The following PLCB4 variants were observed in gnomAD, a reference collection of about 807,000 sequenced individuals.
PLCB4 encodes the protein 1-phosphatidylinositol 4,5-bisphosphate phosphodiesterase beta-4.
Under a neutral mutation model 178.8 loss-of-function variants are expected in PLCB4, and 77 were observed. That is an observed-to-expected ratio of 0.43 (90% CI 0.36 to 0.52). PLCB4 has a LOEUF of 0.52. Ranked by LOEUF, PLCB4 falls within the 20% of genes least tolerant of loss-of-function variation. The pLI is 0.00. For synonymous variants in PLCB4, 496 were observed against 490.8 expected (o/e 1.01, Z -0.14); for missense variants, 1,024 against 1,453.4 (o/e 0.70, Z 4.80).
At chr20:9,098,420 G>A (rs190350766) in intron 2 of PLCB4, among the ~76,000 whole-genome samples, 8 of 151,908 alleles carry the variant, frequency 5.3e-5, no homozygotes, top group Non-Finnish European at 8.8e-5. Context: ...TTGCTTTTTC[G>A]CATTTATCCA....
At chr20:9,316,262 A>G (rs997901154) in intron 4 of PLCB4, among the ~76,000 whole-genome samples, 9 of 152,142 alleles carry the variant, frequency 5.9e-5, no homozygotes, top group Non-Finnish European at 1.3e-4. Flanking sequence ...AACTCCAGGA[A>G]CTGGCCCAGG....
At chr20:9,278,405 T>C (rs1400085396) in intron 3 of PLCB4, among the ~76,000 whole-genome samples, 1 of 152,070 alleles carries the variant, frequency 6.6e-6, no homozygotes, top group Non-Finnish European at 1.5e-5. Context: ...ATTGCTTAGA[T>C]GGGACATCCA....
At chr20:9,368,386 G>A (rs725941) in intron 9 of PLCB4, among the ~76,000 whole-genome samples, 76,325 of 152,060 alleles carry the variant, frequency 0.5, 21,518 homozygotes, top group African/African-American at 0.79. Flanking sequence ...TTTGGAAATA[G>A]CAATTCTCTT....
At chr20:9,180,927 C>T (rs1007616113) in intron 2 of PLCB4, among the ~76,000 whole-genome samples, 7 of 152,172 alleles carry the variant, frequency 4.6e-5, no homozygotes, top group Admixed American at 3.3e-4. Flanking sequence ...AATTTATTAT[C>T]CCATATGGGC....
At chr20:9,168,604 C>T (rs1319437835) in intron 2 of PLCB4, among the ~76,000 whole-genome samples, 1 of 152,176 alleles carries the variant, frequency 6.6e-6, no homozygotes, top group Non-Finnish European at 1.5e-5. Flanking sequence ...GCTGCTAATG[C>T]CACCATTTCA....
intron 3 of PLCB4, among the ~76,000 whole-genome samples, chr20:9,219,553 T>G (rs964449336): frequency 6.6e-6 from 1 of 152,164 alleles, no homozygotes; most frequent in Admixed American, 6.5e-5. Flanking sequence ...TCTCACCCAA[T>G]AGGACCTGAT....
In PLCB4 at chr20:9,233,955, TA is replaced by T. The variant is rs548593147; in HGVS notation, c.-16+16506del. Among the ~76,000 whole-genome samples the T allele has an allele frequency of 1.1e-4, 17 of 152,212 alleles. No homozygotes were observed. The South Asian group carries it at 3.5e-3, about 32-fold the overall frequency. ...TGAATTGGGAGTGTACAGTTGGGGATAAACTGGAAGCAGAAAAGCCAGTTAG... is the reference window on the plus strand; with the variant it reads ...TGAATTGGGAGTGTACAGTTGGGGATAACTGGAAGCAGAAAAGCCAGTTAG... On this transcript the variant is annotated intron_variant, in intron 3 of 39. Coordinates refer to ENST00000378473, the MANE Select transcript of PLCB4 (RefSeq NM_001377142.1).
At chr20:9,464,635 C>T (rs1305019928) in intron 35 of PLCB4, among the ~76,000 whole-genome samples, 1 of 152,134 alleles carries the variant, frequency 6.6e-6, no homozygotes, top group Non-Finnish European at 1.5e-5. Context: ...AAACTACCAT[C>T]AGAGAATACT....
At chr20:9,179,791 C>T (rs951200902) in intron 2 of PLCB4, among the ~76,000 whole-genome samples, 1 of 152,166 alleles carries the variant, frequency 6.6e-6, no homozygotes, top group African/African-American at 2.4e-5. Flanking sequence ...TTTCATTTCT[C>T]TACACCTCAC....
At chr20:9,075,604 G>A (rs544817647) in intron 1 of PLCB4, among the ~76,000 whole-genome samples, 1 of 152,374 alleles carries the variant, frequency 6.6e-6, no homozygotes, top group Admixed American at 6.5e-5. Context: ...AAAGGCCCAA[G>A]TGTGGCTGAC....
At chr20:9,225,093 G>A (rs980425561) in intron 3 of PLCB4, among the ~76,000 whole-genome samples, 2 of 152,148 alleles carry the variant, frequency 1.3e-5, no homozygotes, top group East Asian at 1.9e-4. Context: ...TGGATAGACC[G>A]ATGAATGAAG....
chr20:9,315,945 A>C (rs1274649353), intron 4 of PLCB4, among the ~76,000 whole-genome samples: 1 of 152,084 alleles, frequency 6.6e-6, no homozygotes, highest in Admixed American at 6.6e-5. Context: ...TGTCTAAAAA[A>C]AAATTAAAAA....
chr20:9,194,555 GCAGGC>G (rs1286545856), intron 2 of PLCB4, among the ~76,000 whole-genome samples: 4 of 151,736 alleles, frequency 2.6e-5, no homozygotes, highest in Non-Finnish European at 5.9e-5. Flanking sequence ...GGGCGTGGTG[GCAGGC>G]CAGGCGCCTG....
At chr20:9,260,351 A>G (rs2094284570) in intron 3 of PLCB4, among the ~76,000 whole-genome samples, 1 of 152,092 alleles carries the variant, frequency 6.6e-6, no homozygotes, top group Admixed American at 6.5e-5. Flanking sequence ...CTCTTTTTGT[A>G]AAAAGTTTCT....
At chr20:9,153,216 G>A (rs2146939236) in intron 2 of PLCB4, among the ~76,000 whole-genome samples, 1 of 152,202 alleles carries the variant, frequency 6.6e-6, no homozygotes, top group South Asian at 2.1e-4. Flanking sequence ...GACTTTGGGG[G>A]GCTGTTGGGA....
At chr20:9,214,695 G>T (rs764530594) in intron 2 of PLCB4, among the ~76,000 whole-genome samples, 1 of 151,978 alleles carries the variant, frequency 6.6e-6, no homozygotes, top group Non-Finnish European at 1.5e-5. Context: ...GAAAGGAAAA[G>T]TTGGTATGCT....
intron 2 of PLCB4, among the ~76,000 whole-genome samples, chr20:9,187,918 A>C (rs61587420): frequency 6.6e-6 from 1 of 152,328 alleles, no homozygotes; most frequent in African/African-American, 2.4e-5. Flanking sequence ...TAGGTCTCTC[A>C]GTTTTAATAC....
intron 2 of PLCB4, among the ~76,000 whole-genome samples, chr20:9,135,572 A>G (rs1243385494): frequency 6.6e-6 from 1 of 151,976 alleles, no homozygotes; most frequent in East Asian, 1.9e-4. Context: ...TAATTTCCCC[A>G]CCTTGATTTT....
chr20:9,375,665 T>C (rs530702228), intron 12 of PLCB4, among the ~76,000 whole-genome samples: 1 of 152,294 alleles, frequency 6.6e-6, no homozygotes, highest in Admixed American at 6.5e-5. Context: ...CACTGGTTCA[T>C]ATAATGAGAC....
Sources: allele counts gnomAD v4.1 joint callset (sites outside exome capture counted in the v4.1 genomes callset), GRCh38; gene constraint gnomAD v4.1.1; transcripts MANE v1.5; gene names NCBI Gene and HGNC (gene_info 2026-07-23, HGNC 2026-07-21).